Variants in NCOA3 observed in about 807,000 individuals in gnomAD.
NCOA3 encodes the protein nuclear receptor coactivator 3.
A neutral mutation model predicts 158.8 loss-of-function variants in NCOA3; 51 were observed. The observed-to-expected ratio is 0.32, with a 90% confidence interval of 0.26 to 0.41. NCOA3 has a LOEUF of 0.41. Ranked by LOEUF, NCOA3 falls within the 10% of genes least tolerant of loss-of-function variation. The pLI is 1.00. For missense variants in NCOA3, 1,510 were observed against 1,746.6 expected, an observed-to-expected ratio of 0.86 and a Z score of 2.41; for synonymous variants, 537 against 592.4, an observed-to-expected ratio of 0.91 and a Z score of 1.36.
At chr20:47,652,895 C>T (rs777993849) in intron 21 of NCOA3, 36 bp from the exon 22 acceptor site, 7 of 1,609,482 alleles carry the variant, frequency 4.3e-6, no homozygotes, top group Non-Finnish European at 5.1e-6. Flanking sequence ...GCTAAAGTGA[C>T]TTCCAGAGGT....
rs1555803840 is a variant in NCOA3 at position 47,555,958 on chromosome 20, T to TC, written c.-98-27224dup. ...CACCCAGCCTTTTTTTTTTTTTTTT[T>TC]CTGAGGCAGAGTCTTCCTCTGTTGT... On this transcript the variant is annotated intron_variant, in intron 1 of 22. Transcript: ENST00000371998. 8.7e-5 allele frequency among the ~76,000 whole-genome samples: 13 copies of TC among 149,360 alleles called. No individual in the cohort carries two copies. The South Asian group carries it at 1.1e-3, about 12-fold the overall frequency.
At chr20:47,604,907 C>T (rs765130651) in intron 2 of NCOA3, among the ~76,000 whole-genome samples, 1 of 152,158 alleles carries the variant, frequency 6.6e-6, no homozygotes, top group Non-Finnish European at 1.5e-5. Context: ...TGCTCTGTCA[C>T]TCAGGCTGGA....
intron 1 of NCOA3, among the ~76,000 whole-genome samples, chr20:47,549,833 TG>T (rs2084901088): frequency 6.6e-6 from 1 of 152,132 alleles, no homozygotes; most frequent in Admixed American, 6.5e-5. Flanking sequence ...CTTAAATAGC[TG>T]GGACTACAGG....
intron 1 of NCOA3, among the ~76,000 whole-genome samples, chr20:47,506,095 G>T (rs1471096493): frequency 6.6e-6 from 1 of 152,140 alleles, no homozygotes; most frequent in Non-Finnish European, 1.5e-5. Context: ...GTGAGCCACC[G>T]CTCCCGGCCC....
intron 2 of NCOA3, among the ~76,000 whole-genome samples, chr20:47,597,591 C>G (rs1269104193): frequency 6.6e-6 from 1 of 151,402 alleles, no homozygotes; most frequent in Non-Finnish European, 1.5e-5. Flanking sequence ...CGGGTTCATG[C>G]CATTCTCCTG....
chr20:47,545,110 A>G (rs1460215073), intron 1 of NCOA3, among the ~76,000 whole-genome samples: 1 of 145,500 alleles, frequency 6.9e-6, no homozygotes, highest in Non-Finnish European at 1.5e-5. Flanking sequence ...GATGATGTCG[A>G]CCTGTTTTTC....
chr20:47,590,670 A>C (rs968824495), intron 2 of NCOA3, among the ~76,000 whole-genome samples: 2 of 152,180 alleles, frequency 1.3e-5, no homozygotes, highest in Non-Finnish European at 2.9e-5. Flanking sequence ...TTAACTGGGC[A>C]TTGTGTGTCA....
intron 1 of NCOA3, among the ~76,000 whole-genome samples, chr20:47,518,701 A>G (rs1441015760): frequency 1.3e-5 from 2 of 151,994 alleles, no homozygotes; most frequent in Non-Finnish European, 2.9e-5. Context: ...CTGGGATTAC[A>G]GGGGTGAGCC....
intron 1 of NCOA3, among the ~76,000 whole-genome samples, chr20:47,571,006 A>G (rs1042499810): frequency 3.7e-5 from 3 of 80,686 alleles, no homozygotes; most frequent in Non-Finnish European, 5.6e-5. Flanking sequence ...GTGTGTGTAT[A>G]TACATTTTTT....
At chr20:47,569,697 A>G (rs2085260314) in intron 1 of NCOA3, among the ~76,000 whole-genome samples, 1 of 150,914 alleles carries the variant, frequency 6.6e-6, no homozygotes, top group Admixed American at 6.6e-5. Context: ...AGCAACAACA[A>G]AAGTCAATCC....
intron 1 of NCOA3, among the ~76,000 whole-genome samples, chr20:47,539,180 T>C (rs1247673350): frequency 6.6e-6 from 1 of 152,166 alleles, no homozygotes; most frequent in Non-Finnish European, 1.5e-5. Flanking sequence ...CTGCCAGGCA[T>C]GGTGGCATGT....
At chr20:47,618,417 C>T (rs1755632063) in intron 2 of NCOA3, among the ~76,000 whole-genome samples, 1 of 143,728 alleles carries the variant, frequency 7.0e-6, no homozygotes, top group South Asian at 2.3e-4. Flanking sequence ...GCCAATGGCC[C>T]AATCTTGGCT....
chr20:47,555,105 G>A (rs1299869306), intron 1 of NCOA3, among the ~76,000 whole-genome samples: 2 of 152,116 alleles, frequency 1.3e-5, no homozygotes, highest in Non-Finnish European at 2.9e-5. Context: ...CAAGCAATGG[G>A]GAAAGGATTC....
chr20:47,559,714 C>T (rs1309523721), intron 1 of NCOA3, among the ~76,000 whole-genome samples: 1 of 152,142 alleles, frequency 6.6e-6, no homozygotes, highest in East Asian at 1.9e-4. Context: ...AACCCCGTCT[C>T]TACTAAAAAT....
At chr20:47,641,093 A>G (rs181262702) in intron 16 of NCOA3, among the ~76,000 whole-genome samples, 2 of 152,190 alleles carry the variant, frequency 1.3e-5, no homozygotes, top group African/African-American at 2.4e-5. Context: ...ATATGAATTT[A>G]TTTGAATGCT....
Position 47,656,374 on chromosome 20 carries a change from AG to A in NCOA3, c.*2961del. The A allele has an allele frequency of 6.6e-6, 1 of 152,258 alleles. No individual in the cohort carries two copies. Among genetic ancestry groups the A allele is most frequent in the African/African-American group, 2.4e-5 (1 of 41,540 alleles). The allele number at this position is 152,258 out of a possible 1,614,324, so 9.4% of individuals were successfully genotyped here. Reference sequence around the variant, plus strand: ...GAGGTGAGTTGGGGGTATCTATATTAGGGGTAGGGTATTACAGAAGATAATT... The same window carrying A: ...GAGGTGAGTTGGGGGTATCTATATTAGGGTAGGGTATTACAGAAGATAATT... On this transcript the variant is annotated 3_prime_UTR_variant, in exon 23 of 23. Transcript: ENST00000371998.
chr20:47,540,851 T>G (rs1812599377), intron 1 of NCOA3, among the ~76,000 whole-genome samples: 2 of 152,154 alleles, frequency 1.3e-5, no homozygotes, highest in South Asian at 4.2e-4. Flanking sequence ...AAATGATTGT[T>G]TGGGGCTGGG....
At chr20:47,502,475 C>T (rs6012193) in intron 1 of NCOA3, among the ~76,000 whole-genome samples, 7 of 152,182 alleles carry the variant, frequency 4.6e-5, no homozygotes, top group East Asian at 1.9e-4. Context: ...GGACCCCCCC[C>T]ACCCCAGCCT....
chr20:47,593,525 A>G (rs996613052), intron 2 of NCOA3, among the ~76,000 whole-genome samples: 2 of 146,766 alleles, frequency 1.4e-5, no homozygotes, highest in African/African-American at 5.0e-5. Flanking sequence ...TTGTATTTTT[A>G]GTAGAGATGG....
Sources: allele counts gnomAD v4.1 joint callset (sites outside exome capture counted in the v4.1 genomes callset), GRCh38; gene constraint gnomAD v4.1.1; transcripts MANE v1.5; gene names NCBI Gene and HGNC (gene_info 2026-07-23, HGNC 2026-07-21).